Variants in CNTN4 observed in about 807,000 individuals in gnomAD.
The protein encoded by CNTN4 is contactin-4.
Under a neutral mutation model 122.5 loss-of-function variants are expected in CNTN4, and 77 were observed. That is an observed-to-expected ratio of 0.63 (90% confidence interval 0.52 to 0.76). The LOEUF (loss-of-function observed/expected upper bound fraction) is 0.76. CNTN4 is among the 30% of genes least tolerant of loss of function. CNTN4 has a pLI of 0.00. For missense variants in CNTN4, 1,256 were observed against 1,259.1 expected (o/e 1.00, Z 0.04); for synonymous variants, 512 against 447.0 (o/e 1.15, Z -1.83).
intron 2 of CNTN4, among the ~76,000 whole-genome samples, chr3:2,109,880 T>C (rs927892301): frequency 1.3e-5 from 2 of 152,336 alleles, no homozygotes; most frequent in African/African-American, 4.8e-5. Flanking sequence ...GTGTATTTAA[T>C]TGGGTGAATG....
At chr3:2,169,554 C>CTGA (rs1464666658) in intron 2 of CNTN4, among the ~76,000 whole-genome samples, 1 of 150,474 alleles carries the variant, frequency 6.6e-6, no homozygotes, top group Non-Finnish European at 1.5e-5. Context: ...CTACAGGCGC[C>CTGA]GCCACCACGC....
intron 4 of CNTN4, among the ~76,000 whole-genome samples, chr3:2,620,497 A>T (rs55939893): frequency 0.36 from 54,172 of 148,706 alleles, 10,111 homozygotes; most frequent in Middle Eastern, 0.51. Flanking sequence ...GAGACCCTGT[A>T]TCCAAAAATA....
chr3:2,663,212 A>C (rs1458393402), intron 4 of CNTN4, among the ~76,000 whole-genome samples: 1 of 152,218 alleles, frequency 6.6e-6, no homozygotes, highest in African/African-American at 2.4e-5. Context: ...TTATTAAAGA[A>C]TCTAAAAATC....
At chr3:2,105,693 C>A (rs560104410) in intron 2 of CNTN4, among the ~76,000 whole-genome samples, 1 of 152,128 alleles carries the variant, frequency 6.6e-6, no homozygotes, top group Non-Finnish European at 1.5e-5. Context: ...ATGAGATTTG[C>A]GTGGAGACAC....
At chr3:2,336,847 G>T (rs1018230794) in intron 2 of CNTN4, among the ~76,000 whole-genome samples, 1 of 151,976 alleles carries the variant, frequency 6.6e-6, no homozygotes, top group Non-Finnish European at 1.5e-5. Flanking sequence ...TTATTTTTCT[G>T]GTTCTCTCAA....
chr3:2,565,569 C>T (rs1270996466), intron 3 of CNTN4, among the ~76,000 whole-genome samples: 1 of 152,120 alleles, frequency 6.6e-6, no homozygotes, highest in Non-Finnish European at 1.5e-5. Context: ...CTTGTATGGT[C>T]AATAATCTTT....
intron 4 of CNTN4, among the ~76,000 whole-genome samples, chr3:2,631,857 T>A: frequency 8.8e-6 from 1 of 113,792 alleles, no homozygotes; most frequent in Non-Finnish European, 1.7e-5. Flanking sequence ...AGGGAGACCG[T>A]ATCTCTACAA....
chr3:2,099,054 G>C lies in CNTN4; in HGVS notation c.-227+76G>C, dbSNP rs371112216. 1.5e-4 allele frequency: 23 copies of C among 152,414 alleles called. No individual in the cohort carries two copies. In the East Asian group the frequency reaches 2.5e-3, roughly 17 times the overall value. The allele number at this position is 152,414 out of a possible 1,614,324, so 9.4% of individuals were successfully genotyped here. A position where few individuals can be genotyped will look rare whatever the true frequency, so the allele number is the denominator to read the frequency against. On this transcript the variant is annotated intron_variant, in intron 1 of 24. Coordinates refer to ENST00000418658, the MANE Select transcript of CNTN4 (RefSeq NM_175607.3). ...GCCCCGGGGACGCGGTCGCGGGTGT[G>C]GGGGGGAAAGGGCAGGGTCCGCGCG...
chr3:2,107,020 A>G (rs1321152402), intron 2 of CNTN4, among the ~76,000 whole-genome samples: 1 of 152,154 alleles, frequency 6.6e-6, no homozygotes, highest in Non-Finnish European at 1.5e-5. Context: ...CATTGTCCAA[A>G]TCATTATTAG....
At chr3:2,171,375 C>G (rs1412388908) in intron 2 of CNTN4, among the ~76,000 whole-genome samples, 1 of 152,096 alleles carries the variant, frequency 6.6e-6, no homozygotes, top group East Asian at 1.9e-4. Context: ...TATAATTCCA[C>G]GTCTTTGCAT....
At chr3:2,551,735 C>G (rs35939487) in intron 3 of CNTN4, among the ~76,000 whole-genome samples, 10,858 of 152,106 alleles carry the variant, frequency 0.071, 524 homozygotes, top group Middle Eastern at 0.11. Flanking sequence ...TGTTTATCAT[C>G]AATGCTTTTA....
At chr3:2,781,756 G>C in intron 6 of CNTN4, among the ~76,000 whole-genome samples, 1 of 117,854 alleles carries the variant, frequency 8.5e-6, no homozygotes, top group South Asian at 2.7e-4. Flanking sequence ...ACGGAGTGTC[G>C]CTCTGTCGCC....
rs117329101 is a variant in CNTN4, at chr3:2,296,451, C to T, written c.-144-42727C>T. On this transcript the variant is annotated intron_variant, in intron 2 of 24. Coordinates refer to ENST00000418658, the MANE Select transcript of CNTN4 (RefSeq NM_175607.3). ...TCTCTTTGAAGCAATTTAATTATTT[C>T]AGTGGAAGTTACTAAAGAACATTGA... Among the ~76,000 whole-genome samples, 533 of 151,066 alleles carry T rather than the reference C, an allele frequency of 3.5e-3. 8 individuals carry two copies. The East Asian group carries it at 0.055, about 16-fold the overall frequency.
At chr3:2,101,351 A>G (rs1301899950) in intron 2 of CNTN4, among the ~76,000 whole-genome samples, 5 of 152,294 alleles carry the variant, frequency 3.3e-5, no homozygotes, top group Non-Finnish European at 7.4e-5. Flanking sequence ...CATGCATGGT[A>G]CTGACTTTTC....
chr3:2,264,436 G>T (rs906636454), intron 2 of CNTN4, among the ~76,000 whole-genome samples: 2 of 151,836 alleles, frequency 1.3e-5, no homozygotes, highest in African/African-American at 2.4e-5. Flanking sequence ...ATGTCTATTT[G>T]GGTCCTTTGC....
intron 4 of CNTN4, among the ~76,000 whole-genome samples, chr3:2,630,860 C>G (rs1402344992): frequency 2.0e-5 from 3 of 152,012 alleles, no homozygotes; most frequent in Non-Finnish European, 2.9e-5. Context: ...TAAAGATTTA[C>G]CTGGGTGAAG....
chr3:2,894,330 C>G (rs1443826555), intron 10 of CNTN4, among the ~76,000 whole-genome samples: 6 of 152,160 alleles, frequency 3.9e-5, no homozygotes, highest in African/African-American at 1.4e-4. Context: ...AAGAAGGATA[C>G]ATTCAAAAGA....
intron 3 of CNTN4, among the ~76,000 whole-genome samples, chr3:2,561,996 A>G (rs753445092): frequency 6.6e-6 from 1 of 152,140 alleles, no homozygotes; most frequent in African/African-American, 2.4e-5. Flanking sequence ...GTCTTGAACT[A>G]TGATCTACTT....
At chr3:2,347,894 G>C (rs565531104) in intron 3 of CNTN4, among the ~76,000 whole-genome samples, 8 of 151,358 alleles carry the variant, frequency 5.3e-5, no homozygotes, top group Non-Finnish European at 8.8e-5. Context: ...CATGGATTCA[G>C]TTCCTTTTTA....
Sources: gnomAD v4.1 joint callset for allele counts (sites outside exome capture counted in the v4.1 genomes callset) on GRCh38, gnomAD v4.1.1 for gene constraint, MANE v1.5 for transcripts, NCBI Gene and HGNC (gene_info 2026-07-23, HGNC 2026-07-21) for gene names.